The following HRH4 variants were observed in gnomAD, a reference collection of about 807,000 sequenced individuals.
The protein encoded by HRH4 is histamine receptor H4.
Under a neutral mutation model 10.4 loss-of-function variants are expected in HRH4, and 12 were observed. The ratio of observed to expected loss-of-function variants is 1.15; its 90% CI spans 0.74 to 1.87. The LOEUF is 1.87. HRH4 is among the 40% of genes most tolerant of loss of function. The probability of loss-of-function intolerance (pLI) is 0.00; values close to 1 mark genes in which losing one functional copy is unlikely to be tolerated. For missense variants in HRH4, 415 were observed against 453.3 expected, an observed-to-expected ratio of 0.92 and a Z score of 0.77; for synonymous variants, 154 against 166.6, an observed-to-expected ratio of 0.92 and a Z score of 0.58.
rs147313151 is a variant in HRH4 at position 24,467,916 on chromosome 18, AT to A, written c.194-871del. Among the ~76,000 whole-genome samples the A allele has an allele frequency of 4.0e-3, 609 of 152,236 alleles. 4 individuals are homozygous for A. The highest frequency in any genetic ancestry group is 0.013 in the African/African-American group (546 of 41,542). On this transcript the variant is annotated intron_variant, in intron 1 of 2. Transcript: ENST00000256906. ...AATGATGTTGGCAGAGAAAAAAGAGATGTGAAAATGTGCCATGTGTTTGGGG... is the reference window on the plus strand; with the variant it reads ...AATGATGTTGGCAGAGAAAAAAGAGAGTGAAAATGTGCCATGTGTTTGGGG...
At chr18:24,464,641 TAGAA>T (rs1909727693) in intron 1 of HRH4, among the ~76,000 whole-genome samples, 1 of 152,086 alleles carries the variant, frequency 6.6e-6, no homozygotes, top group Non-Finnish European at 1.5e-5. Flanking sequence ...TTAGCTGGCT[TAGAA>T]AGAAGGGACG....
intron 2 of HRH4, among the ~76,000 whole-genome samples, chr18:24,472,519 G>C (rs1262170462): frequency 6.6e-6 from 1 of 152,172 alleles, no homozygotes; most frequent in Non-Finnish European, 1.5e-5. Flanking sequence ...TGCTCAGGCA[G>C]ACCTTGTATC....
At chr18:24,466,509 T>C (rs1187692431) in intron 1 of HRH4, among the ~76,000 whole-genome samples, 1 of 152,086 alleles carries the variant, frequency 6.6e-6, no homozygotes, top group Non-Finnish European at 1.5e-5. Flanking sequence ...ATTAAAAATA[T>C]AATTGAAACA....
At chr18:24,473,618 A>G (rs535809268) in intron 2 of HRH4, among the ~76,000 whole-genome samples, 1 of 152,258 alleles carries the variant, frequency 6.6e-6, no homozygotes, top group African/African-American at 2.4e-5. Context: ...GGTGACCCCT[A>G]ATTCAGTATG....
In HRH4 at chr18:24,460,711, T is replaced by C. The variant is rs781513446; in HGVS notation, c.-18T>C. 4 of 1,475,568 alleles carry C rather than the reference T, an allele frequency of 2.7e-6. No homozygotes were observed. Among genetic ancestry groups the C allele is most frequent in the Admixed American group, 2.1e-5 (1 of 48,672 alleles). The allele number at this position is 1,475,568 out of a possible 1,614,324, so 91.4% of individuals were successfully genotyped here. ...CTGGATTAATTTGCTAATTTGACCT[T>C]CTTCATCATTTGATGTGATGCCAGA... On this transcript the variant is annotated 5_prime_UTR_variant, in exon 1 of 3. Coordinates refer to ENST00000256906, the MANE Select transcript of HRH4 (RefSeq NM_021624.4).
chr18:24,466,243 G>C lies in HRH4; in HGVS notation c.194-2545G>C, dbSNP rs1909771554. On this transcript the variant is annotated intron_variant, in intron 1 of 2. Transcript: ENST00000256906. Reference sequence around the variant, plus strand: ...TCCTCCTGCCTCAACCTCCTGGTTAGCTGGAACTACAGGCTTGTGCCACCA... The same window carrying C: ...TCCTCCTGCCTCAACCTCCTGGTTACCTGGAACTACAGGCTTGTGCCACCA... 2.0e-5 allele frequency among the ~76,000 whole-genome samples: 3 copies of C among 151,360 alleles called. No individual in the cohort carries two copies. In the South Asian group the frequency reaches 6.3e-4, roughly 32 times the overall value.
intron 2 of HRH4, among the ~76,000 whole-genome samples, chr18:24,470,079 C>T (rs1222539705): frequency 6.6e-6 from 1 of 152,186 alleles, no homozygotes; most frequent in African/African-American, 2.4e-5. Context: ...AGTGACAGAT[C>T]TAGCCTGGGA....
At chr18:24,466,762 G>A (rs560543363) in intron 1 of HRH4, among the ~76,000 whole-genome samples, 30 of 152,150 alleles carry the variant, frequency 2.0e-4, no homozygotes, top group African/African-American at 6.3e-4. Flanking sequence ...ATGAAAAAAT[G>A]GGAATTCCTG....
chr18:24,468,956 G>A lies in HRH4; in HGVS notation c.357+5G>A. 1 of 1,586,100 alleles carries A rather than the reference G, an allele frequency of 6.3e-7. No homozygotes were observed. The highest frequency in any genetic ancestry group is 8.6e-7 in the Non-Finnish European group (1 of 1,166,412). ...TACCTGTCAGTCTCAAATGCTGTAA[G>A]TCGAAACATTAATTTATCCCCCTTA... On this transcript the variant is annotated splice_donor_5th_base_variant and intron_variant, in intron 2 of 2. Coordinates refer to ENST00000256906, the MANE Select transcript of HRH4 (RefSeq NM_021624.4).
At chr18:24,474,611 G>C (rs918531098) in intron 2 of HRH4, among the ~76,000 whole-genome samples, 5 of 151,810 alleles carry the variant, frequency 3.3e-5, no homozygotes, top group Non-Finnish European at 5.9e-5. Flanking sequence ...AATTTCATGG[G>C]TAGATCCATT....
At chr18:24,465,372 A>G in intron 1 of HRH4, among the ~76,000 whole-genome samples, 1 of 152,136 alleles carries the variant, frequency 6.6e-6, no homozygotes, top group Admixed American at 6.5e-5. Context: ...GCCAAGGAAC[A>G]GCAGGTGCGC....
At chr18:24,460,969 A>T in intron 1 of HRH4, 48 bp downstream of exon 1, 1 of 1,276,302 alleles carries the variant, frequency 7.8e-7, no homozygotes, top group Middle Eastern at 2.0e-4. Context: ...ATTTTAATTT[A>T]TTTCTAAATC....
intron 2 of HRH4, among the ~76,000 whole-genome samples, chr18:24,474,661 A>C (rs1479366509): frequency 6.6e-6 from 1 of 151,516 alleles, no homozygotes; most frequent in Middle Eastern, 3.2e-3. Context: ...GAAACATGGA[A>C]CATGAGAGCT....
At chr18:24,468,976 C>G (rs1464837106) in intron 2 of HRH4, 25 bp downstream of exon 2, 1 of 1,545,458 alleles carries the variant, frequency 6.5e-7, no homozygotes, top group Non-Finnish European at 8.7e-7. Flanking sequence ...TAATTTATCC[C>G]CCTTAGAAGA....
Position 24,477,429 on chromosome 18 carries a change from A to T in HRH4, c.1040A>T (p.Gln347Leu). The T allele has an allele frequency of 6.2e-7, 1 of 1,614,172 alleles. No homozygotes were observed. The highest frequency in any genetic ancestry group is 8.5e-7 in the Non-Finnish European group (1 of 1,180,006). ...SVWYRIAFWL[Q>L]WFNSFVNPLL... Reference sequence around the variant, plus strand: ...TGGTATAGAATTGCATTTTGGCTTCAGTGGTTCAATTCCTTTGTCAATCCT... The same window carrying T: ...TGGTATAGAATTGCATTTTGGCTTCTGTGGTTCAATTCCTTTGTCAATCCT... Residue 347 changes from glutamine (Q) to leucine (L), a missense_variant, in exon 3 of 3, where the codon CAG becomes CTG. Gln to Leu is a moderately radical substitution (Grantham distance 113). Transcript: ENST00000256906.
Position 24,464,918 on chromosome 18 carries a change from C to T in HRH4, c.194-3870C>T, listed in dbSNP as rs111397940. 4.1e-4 allele frequency among the ~76,000 whole-genome samples: 63 copies of T among 152,028 alleles called. 1 individual carries two copies. Among genetic ancestry groups the T allele is most frequent in the African/African-American group, 1.5e-3 (61 of 41,484 alleles). On this transcript the variant is annotated intron_variant, in intron 1 of 2. Transcript: ENST00000256906. ...GTGATAATTGCTACTGAAAAAAATGCAGAGAGGAGGGAAAGGGAGTGTGCT... is the reference window on the plus strand; with the variant it reads ...GTGATAATTGCTACTGAAAAAAATGTAGAGAGGAGGGAAAGGGAGTGTGCT...
intron 1 of HRH4, among the ~76,000 whole-genome samples, chr18:24,464,245 G>C (rs539756552): frequency 1.3e-5 from 2 of 152,136 alleles, no homozygotes; most frequent in East Asian, 3.9e-4. Flanking sequence ...GCCAATATTG[G>C]TTCCTGATGA....
In HRH4 at chr18:24,477,457, T is replaced by G. The variant is rs1207033804; in HGVS notation, c.1068T>G (p.Leu356=). Residue 356 remains leucine (L), a synonymous_variant, in exon 3 of 3, where the codon CTT becomes CTG. Coordinates refer to ENST00000256906, the MANE Select transcript of HRH4 (RefSeq NM_021624.4). ...GGTTCAATTCCTTTGTCAATCCTCT[T>G]TTGTATCCATTGTGTCACAAGCGCT... ...LQWFNSFVNP[L]LYPLCHKRFQ... The G allele has an allele frequency of 1.9e-6, 3 of 1,614,004 alleles. No individual in the cohort carries two copies. In the African/African-American group the frequency reaches 4.0e-5, roughly 22 times the overall value.
intron 1 of HRH4, among the ~76,000 whole-genome samples, chr18:24,465,092 G>C (rs1301395481): frequency 6.6e-6 from 1 of 151,962 alleles, no homozygotes; most frequent in Non-Finnish European, 1.5e-5. Flanking sequence ...TTCGAGACCA[G>C]CCTGGCCAAT....
Sources: allele counts gnomAD v4.1 joint callset (sites outside exome capture counted in the v4.1 genomes callset), GRCh38; gene constraint gnomAD v4.1.1; transcripts MANE v1.5; gene names NCBI Gene and HGNC (gene_info 2026-07-23, HGNC 2026-07-21).